The following MRTFA variants were observed in gnomAD, a reference collection of about 807,000 sequenced individuals.
MRTFA encodes the protein myocardin related transcription factor A, also known as myocardin-related transcription factor A.
In MRTFA, 20 loss-of-function variants were observed where a neutral mutation model predicts 83.5. The observed-to-expected ratio is 0.24, with a 90% CI of 0.17 to 0.35. The LOEUF is 0.35. Among genes scored for constraint, MRTFA ranks in the 10% least tolerant of loss-of-function variants. The probability of loss-of-function intolerance (pLI) is 1.00; values close to 1 mark genes in which losing one functional copy is unlikely to be tolerated. For synonymous variants in MRTFA, 659 were observed against 541.2 expected, an observed-to-expected ratio of 1.22 and a Z score of -3.02; for missense variants, 1,200 against 1,224.7, an observed-to-expected ratio of 0.98 and a Z score of 0.30.
intron 1 of MRTFA, among the ~76,000 whole-genome samples, chr22:40,604,219 C>T (rs2056292500): frequency 6.6e-6 from 1 of 151,598 alleles, no homozygotes; most frequent in Admixed American, 6.6e-5. Flanking sequence ...CAAGCTCCGC[C>T]TCCCAGGTTC....
At chr22:40,493,310 G>A (rs2147205785) in intron 3 of MRTFA, among the ~76,000 whole-genome samples, 1 of 152,276 alleles carries the variant, frequency 6.6e-6, no homozygotes, top group South Asian at 2.1e-4. Flanking sequence ...CCTCACACTT[G>A]AAAGCTAAGC....
intron 3 of MRTFA, among the ~76,000 whole-genome samples, chr22:40,550,097 T>C (rs1320796371): frequency 4.7e-5 from 7 of 150,440 alleles, no homozygotes; most frequent in Admixed American, 2.6e-4. Context: ...TTGATAGATA[T>C]CTGTGTTATA....
In MRTFA at chr22:40,411,335, G is replaced by C; in HGVS notation, c.*55C>G. On this transcript the variant is annotated 3_prime_UTR_variant, in exon 15 of 15. Coordinates refer to ENST00000355630, the MANE Select transcript of MRTFA (RefSeq NM_020831.6). ...AGGCCGAATCACGCAGGAGAGCCAC[G>C]CATTGGAGTACCCTGGCTCCCAGCC... 3 of 1,501,224 alleles carry C rather than the reference G, an allele frequency of 2.0e-6. No individual in the cohort carries two copies. The highest frequency in any genetic ancestry group is 4.6e-5 in the East Asian group (2 of 43,598). 93.0% of individuals were successfully genotyped at this position (1,501,224 alleles called of 1,614,324 possible).
intron 1 of MRTFA, among the ~76,000 whole-genome samples, chr22:40,598,765 G>A (rs949769692): frequency 6.6e-6 from 1 of 151,684 alleles, no homozygotes; most frequent in African/African-American, 2.4e-5. Flanking sequence ...AGCTGAGGAG[G>A]GCGAATTACC....
chr22:40,456,514 C>T (rs1301758784), intron 4 of MRTFA, among the ~76,000 whole-genome samples: 4 of 151,996 alleles, frequency 2.6e-5, no homozygotes, highest in African/African-American at 9.7e-5. Context: ...ATGGCAAAAC[C>T]GCATTTCTAC....
At chr22:40,597,868 C>T (rs749429981) in intron 1 of MRTFA, among the ~76,000 whole-genome samples, 3 of 152,178 alleles carry the variant, frequency 2.0e-5, no homozygotes, top group African/African-American at 7.2e-5. Context: ...ACATTTATGG[C>T]TTGGAACTTA....
chr22:40,450,273 C>A (rs950394263), intron 4 of MRTFA, among the ~76,000 whole-genome samples: 1 of 152,046 alleles, frequency 6.6e-6, no homozygotes, highest in Non-Finnish European at 1.5e-5. Context: ...AAATCAAGAA[C>A]CTCTGATGTA....
chr22:40,562,195 C>T (rs1232079478), intron 2 of MRTFA, among the ~76,000 whole-genome samples: 3 of 141,576 alleles, frequency 2.1e-5, no homozygotes, highest in South Asian at 4.4e-4. Flanking sequence ...CCAGCCTGGG[C>T]GATAGAGCGA....
At chr22:40,525,338 TG>T (rs1467298972) in intron 3 of MRTFA, among the ~76,000 whole-genome samples, 3 of 152,030 alleles carry the variant, frequency 2.0e-5, no homozygotes, top group Non-Finnish European at 4.4e-5. Flanking sequence ...AAAAATTTTT[TG>T]TAAAGATGGA....
intron 1 of MRTFA, among the ~76,000 whole-genome samples, chr22:40,608,395 G>A (rs866827374): frequency 1.3e-5 from 2 of 152,156 alleles, no homozygotes; most frequent in East Asian, 1.9e-4. Context: ...TCAGTATTAC[G>A]TAGCTGATTA....
At chr22:40,532,426 G>C (rs2055097604) in intron 3 of MRTFA, among the ~76,000 whole-genome samples, 1 of 152,160 alleles carries the variant, frequency 6.6e-6, no homozygotes, top group Non-Finnish European at 1.5e-5. Context: ...TTTCATCAAA[G>C]ACAGATGGGA....
At chr22:40,500,546 C>T (rs1351771751) in intron 3 of MRTFA, among the ~76,000 whole-genome samples, 76 of 149,648 alleles carry the variant, frequency 5.1e-4, no homozygotes, top group Middle Eastern at 3.4e-3. Flanking sequence ...TGCAGCCTTC[C>T]GCAGTGTTTG....
chr22:40,574,226 A>C (rs1201462348), intron 2 of MRTFA, among the ~76,000 whole-genome samples: 3 of 152,168 alleles, frequency 2.0e-5, no homozygotes, highest in African/African-American at 7.2e-5. Context: ...AAGCAGTAAC[A>C]TTTTAACATT....
chr22:40,595,116 CTTTT>C (rs778797295), intron 1 of MRTFA, among the ~76,000 whole-genome samples: 6 of 119,268 alleles, frequency 5.0e-5, no homozygotes, highest in Non-Finnish European at 6.9e-5. Flanking sequence ...TGATAAATGC[CTTTT>C]TTTTTTTTTT....
At chr22:40,458,108 G>A (rs1037269541) in intron 4 of MRTFA, among the ~76,000 whole-genome samples, 1 of 152,044 alleles carries the variant, frequency 6.6e-6, no homozygotes, top group African/African-American at 2.4e-5. Context: ...TGGCATTCCT[G>A]GTCTTAATCT....
intron 3 of MRTFA, among the ~76,000 whole-genome samples, chr22:40,495,007 A>C (rs754234587): frequency 1.3e-5 from 2 of 152,102 alleles, no homozygotes; most frequent in Non-Finnish European, 2.9e-5. Flanking sequence ...AAAAGTGACT[A>C]TTACTGCATA....
At chr22:40,583,374 G>T (rs570058175) in intron 2 of MRTFA, among the ~76,000 whole-genome samples, 6 of 152,318 alleles carry the variant, frequency 3.9e-5, no homozygotes, top group African/African-American at 1.4e-4. Context: ...CTGCAGAAGT[G>T]CCTCAAGACC....
At chr22:40,459,031 C>T (rs1456779910) in intron 4 of MRTFA, among the ~76,000 whole-genome samples, 3 of 150,140 alleles carry the variant, frequency 2.0e-5, no homozygotes, top group Non-Finnish European at 4.4e-5. Flanking sequence ...GCTGAGATCG[C>T]GCCACTGCAC....
intron 4 of MRTFA, among the ~76,000 whole-genome samples, chr22:40,450,763 A>C (rs1174111287): frequency 6.6e-6 from 1 of 152,012 alleles, no homozygotes; most frequent in Non-Finnish European, 1.5e-5. Context: ...CAGCCTCCTC[A>C]ATTTTCAAAG....
Sources: allele counts gnomAD v4.1 joint callset (sites outside exome capture counted in the v4.1 genomes callset), GRCh38; gene constraint gnomAD v4.1.1; transcripts MANE v1.5; gene names NCBI Gene and HGNC (gene_info 2026-07-23, HGNC 2026-07-21).